ALDH1L2: variants seen among roughly 807,000 people sequenced by gnomAD.
The protein encoded by ALDH1L2 is mitochondrial 10-formyltetrahydrofolate dehydrogenase.
Under a neutral mutation model 111.0 loss-of-function variants are expected in ALDH1L2, and 91 were observed. The ratio of observed to expected loss-of-function variants is 0.82; its 90% CI spans 0.69 to 0.98. ALDH1L2 has a LOEUF of 0.98. Among genes scored for constraint, ALDH1L2 ranks in the 50% least tolerant of loss-of-function variants. The pLI, the probability that ALDH1L2 is intolerant of heterozygous loss-of-function variation, is 0.00. For synonymous variants in ALDH1L2, 374 were observed against 392.6 expected (o/e 0.95, Z 0.56); for missense variants, 995 against 1,126.8 (o/e 0.88, Z 1.67).
chr12:105,070,552 A>T lies in ALDH1L2; in HGVS notation c.428+18T>A. ...AGACCCCATCTCAAAAAAAAAAAGT[A>T]AAAAGAAAAAATCTCACCAATTGAT... is the stretch of plus-strand genomic sequence containing the variant. On this transcript the variant is annotated intron_variant, in intron 3 of 22. Coordinates refer to ENST00000258494, the MANE Select transcript of ALDH1L2 (RefSeq NM_001034173.4). 3 of 1,582,648 alleles carry T rather than the reference A, an allele frequency of 1.9e-6. No homozygotes were observed. The highest frequency in any genetic ancestry group is 2.6e-6 in the Non-Finnish European group (3 of 1,163,888).
intron 2 of ALDH1L2, among the ~76,000 whole-genome samples, chr12:105,071,975 T>C (rs1274434027): frequency 6.6e-6 from 1 of 151,362 alleles, no homozygotes; most frequent in South Asian, 2.1e-4. Flanking sequence ...GGCACATACC[T>C]ATAATCCTAG....
chr12:105,033,126 G>T (rs1259626837), intron 19 of ALDH1L2, among the ~76,000 whole-genome samples: 1 of 152,138 alleles, frequency 6.6e-6, no homozygotes, highest in East Asian at 1.9e-4. Flanking sequence ...CGTTCCCCAG[G>T]GTTCTGCACT....
intron 21 of ALDH1L2, chr12:105,029,937 A>G (rs1316638593): frequency 1.3e-5 from 2 of 153,732 alleles, no homozygotes; most frequent in African/African-American, 2.4e-5. Context: ...TTGGGGGGCA[A>G]TATCCCCTAT....
intron 8 of ALDH1L2, among the ~76,000 whole-genome samples, 189 bp from the exon 9 acceptor site, chr12:105,061,261 C>T (rs1017478089): frequency 3.3e-5 from 5 of 152,118 alleles, no homozygotes; most frequent in Non-Finnish European, 7.4e-5. Flanking sequence ...GTGACCTGCA[C>T]CACCCCAGTC....
chr12:105,083,248 C>T (rs879098073), intron 1 of ALDH1L2, among the ~76,000 whole-genome samples: 1 of 152,200 alleles, frequency 6.6e-6, no homozygotes, highest in Admixed American at 6.5e-5. Flanking sequence ...CATCTGGGAT[C>T]CCATGTGCCA....
intron 16 of ALDH1L2, 60 bp from the exon 17 acceptor site, chr12:105,039,866 T>G: frequency 6.7e-7 from 1 of 1,488,926 alleles, no homozygotes; most frequent in South Asian, 1.1e-5. Flanking sequence ...CGCGGTGGCT[T>G]ACGCCTGTAA....
At position 105,052,845 on chromosome 12, in the gene ALDH1L2, C is replaced by T; in HGVS notation, c.1374G>A (p.Lys458=). The T allele has an allele frequency of 6.2e-7, 1 of 1,614,158 alleles. No homozygotes were observed. Among genetic ancestry groups the T allele is most frequent in the Non-Finnish European group, 8.5e-7 (1 of 1,180,008 alleles). ...NGQFTDADDG[K]TYDTINPTDG... Reference sequence around the variant, plus strand: ...CTGTTGGGTTGATAGTGTCGTAAGTCTTTCCATCGTCTGCATCTGTGAACT... The same window carrying T: ...CTGTTGGGTTGATAGTGTCGTAAGTTTTTCCATCGTCTGCATCTGTGAACT... Residue 458 remains lysine (K), a synonymous_variant, in exon 11 of 23, where the codon AAG becomes AAA. Transcript: ENST00000258494.
chr12:105,057,220 T>G (rs931159087), intron 10 of ALDH1L2, among the ~76,000 whole-genome samples: 1 of 152,054 alleles, frequency 6.6e-6, no homozygotes, highest in African/African-American at 2.4e-5. Context: ...GATCCCACTT[T>G]ACACCCACTA....
chr12:105,046,901 G>A lies in ALDH1L2; in HGVS notation c.1755C>T (p.Leu585=), dbSNP rs757516453. ...RNLTFTKKEP[L]GVCAIIIPWN... is the part of the protein sequence containing the mutation. Reference sequence around the variant, plus strand: ...CAGAGGCACTCTCCTTATCTTACCCGAGTGGCTCTTTCTTGGTGAAGGTCA... The same window carrying A: ...CAGAGGCACTCTCCTTATCTTACCCAAGTGGCTCTTTCTTGGTGAAGGTCA... Residue 585 remains leucine (L), a splice_region_variant and synonymous_variant, in exon 14 of 23, where the codon CTC becomes CTT. Coordinates refer to ENST00000258494, the MANE Select transcript of ALDH1L2 (RefSeq NM_001034173.4). The A allele has an allele frequency of 2.0e-5, 32 of 1,613,842 alleles. No homozygotes were observed. The highest frequency in any genetic ancestry group is 3.3e-5 in the South Asian group (3 of 91,064).
At chr12:105,031,565 C>A (rs1426132340) in intron 20 of ALDH1L2, among the ~76,000 whole-genome samples, 1 of 152,194 alleles carries the variant, frequency 6.6e-6, no homozygotes, top group African/African-American at 2.4e-5. Context: ...ACTGCAGCCT[C>A]CTCCGCTCAC....
chr12:105,068,124 A>G (rs1294212321), intron 4 of ALDH1L2, among the ~76,000 whole-genome samples: 1 of 152,136 alleles, frequency 6.6e-6, no homozygotes, highest in African/African-American at 2.4e-5. Context: ...TCCTAAATCA[A>G]TGGCTACTAC....
rs374632368 is a variant in ALDH1L2, at chr12:105,061,035, A to G, written c.1085T>C (p.Ile362Thr). 1.6e-5 allele frequency: 26 copies of G among 1,613,946 alleles called. No individual in the cohort carries two copies. In the African/African-American group the frequency reaches 2.7e-4, roughly 17 times the overall value. The change falls in exon 9 of 23, where the codon ATT becomes ACT. Residue 362 changes from isoleucine to threonine, a missense_variant. By Grantham distance (89) the Ile-to-Thr change is moderately conservative (BLOSUM62 -1). Coordinates refer to ENST00000258494, the MANE Select transcript of ALDH1L2 (RefSeq NM_001034173.4). ...WAGILSNVPI[I>T]EDSTDFFKSG... is the part of the protein sequence containing the mutation. ...TTTAAAGAAGTCTGTTGAGTCTTCAATAATGGGGACATTGCTTAAAATTCC... is the reference window on the plus strand; with the variant it reads ...TTTAAAGAAGTCTGTTGAGTCTTCAGTAATGGGGACATTGCTTAAAATTCC...
At chr12:105,063,737 C>G (rs1319176882) in intron 6 of ALDH1L2, among the ~76,000 whole-genome samples, 1 of 152,028 alleles carries the variant, frequency 6.6e-6, no homozygotes, top group Non-Finnish European at 1.5e-5. Flanking sequence ...TATTACAGTG[C>G]AGGGTGGTAA....
At chr12:105,063,763 G>C (rs1877162890) in intron 6 of ALDH1L2, among the ~76,000 whole-genome samples, 1 of 152,116 alleles carries the variant, frequency 6.6e-6, no homozygotes, top group African/African-American at 2.4e-5. Context: ...GAGAAGCACA[G>C]GGTGCTTTGT....
At chr12:105,032,133 G>C (rs1249073362) in intron 19 of ALDH1L2, among the ~76,000 whole-genome samples, 199 bp from the exon 20 acceptor site, 1 of 148,502 alleles carries the variant, frequency 6.7e-6, no homozygotes, top group Non-Finnish European at 1.5e-5. Flanking sequence ...GTCCATGCTG[G>C]ATCACAGTGG....
chr12:105,063,576 A>G (rs1877146991), intron 6 of ALDH1L2, among the ~76,000 whole-genome samples: 1 of 148,102 alleles, frequency 6.8e-6, no homozygotes. Context: ...TCCAGGTGAC[A>G]TGAGTATGCA....
chr12:105,052,673 G>A, intron 11 of ALDH1L2, 139 bp downstream of exon 11: 1 of 1,025,044 alleles, frequency 9.8e-7, no homozygotes, highest in Non-Finnish European at 1.4e-6. Flanking sequence ...TGAAAGAAAA[G>A]CATGAAGTAC....
chr12:105,065,167 G>T, intron 6 of ALDH1L2, 100 bp downstream of exon 6: 2 of 765,342 alleles, frequency 2.6e-6, no homozygotes, highest in Non-Finnish European at 2.1e-6. Flanking sequence ...CCTGCCTCAT[G>T]ACCAAGGAAG....
chr12:105,035,912 T>A (rs1196851251), intron 18 of ALDH1L2, among the ~76,000 whole-genome samples: 1 of 84,510 alleles, frequency 1.2e-5, no homozygotes, highest in Non-Finnish European at 2.1e-5. Flanking sequence ...TGTATATATA[T>A]TATATATATA....
Sources: gnomAD v4.1 joint callset for allele counts (sites outside exome capture counted in the v4.1 genomes callset) on GRCh38, gnomAD v4.1.1 for gene constraint, MANE v1.5 for transcripts, NCBI Gene and HGNC (gene_info 2026-07-23, HGNC 2026-07-21) for gene names.